ENTPD1: variants seen among roughly 807,000 people sequenced by gnomAD.
ENTPD1 encodes the protein ectonucleoside triphosphate diphosphohydrolase 1.
ENTPD1 carries 33 observed loss-of-function variants against 57.0 expected under a neutral mutation model. The observed-to-expected ratio is 0.58, with a 90% CI of 0.44 to 0.77. The LOEUF is 0.77. Among genes scored for constraint, ENTPD1 ranks in the 30% least tolerant of loss-of-function variants. The probability of loss-of-function intolerance (pLI) is 0.00; values close to 1 mark genes in which losing one functional copy is unlikely to be tolerated. For missense variants in ENTPD1, 501 were observed against 603.4 expected, an observed-to-expected ratio of 0.83 and a Z score of 1.78; for synonymous variants, 202 against 218.8, an observed-to-expected ratio of 0.92 and a Z score of 0.68.
At chr10:95,756,735 A>G (rs2098027127) in intron 1 of ENTPD1, 1 of 157,082 alleles carries the variant, frequency 6.4e-6, no homozygotes, top group African/African-American at 2.4e-5. Context: ...AACAAGACAG[A>G]GAAGTTAATG....
At chr10:95,764,884 G>A (rs559419773) in intron 1 of ENTPD1, among the ~76,000 whole-genome samples, 11 of 151,868 alleles carry the variant, frequency 7.2e-5, no homozygotes, top group African/African-American at 9.7e-5. Flanking sequence ...CACCACACCC[G>A]GCTAATTTTG....
intron 8 of ENTPD1, among the ~76,000 whole-genome samples, chr10:95,861,822 G>A (rs1485130837): frequency 4.0e-5 from 6 of 151,802 alleles, no homozygotes; most frequent in African/African-American, 1.5e-4. Context: ...GTGAAACCCC[G>A]TCTCTACTAA....
chr10:95,733,998 G>T (rs2097991898), intron 1 of ENTPD1, among the ~76,000 whole-genome samples: 1 of 152,142 alleles, frequency 6.6e-6, no homozygotes, highest in African/African-American at 2.4e-5. Flanking sequence ...CCTGTTCTGT[G>T]GTCATGTCCT....
At chr10:95,847,251 TACC>T (rs1173704516) in intron 6 of ENTPD1, 192 bp from the exon 7 acceptor site, 15 of 652,560 alleles carry the variant, frequency 2.3e-5, no homozygotes, top group Non-Finnish European at 3.8e-5. Flanking sequence ...TTATATCTGA[TACC>T]ACTTCTGGTG....
At chr10:95,716,699 C>T (rs1358178196) in intron 1 of ENTPD1, among the ~76,000 whole-genome samples, 2 of 152,194 alleles carry the variant, frequency 1.3e-5, no homozygotes, top group Non-Finnish European at 2.9e-5. Context: ...ACGTGAGGCC[C>T]TTGTCGGATG....
chr10:95,757,389 G>T (rs947471225), intron 1 of ENTPD1, among the ~76,000 whole-genome samples: 1 of 152,108 alleles, frequency 6.6e-6, no homozygotes, highest in African/African-American at 2.4e-5. Context: ...TAAGGGCTGA[G>T]TGTGGATGGA....
the ENTPD1 span, among the ~76,000 whole-genome samples, chr10:95,702,985 C>A: frequency 6.6e-5 from 10 of 152,016 alleles, no homozygotes; most frequent in African/African-American, 2.2e-4. Flanking sequence ...TGGGGTTTCA[C>A]CATCTTGGCC....
intron 1 of ENTPD1, among the ~76,000 whole-genome samples, chr10:95,761,014 T>C (rs1303168652): frequency 6.6e-6 from 1 of 151,890 alleles, no homozygotes; most frequent in Non-Finnish European, 1.5e-5. Flanking sequence ...TAATTTTTAG[T>C]AGAGACGGGG....
intron 2 of ENTPD1, among the ~76,000 whole-genome samples, chr10:95,836,832 G>T (rs2098410902): frequency 6.6e-6 from 1 of 152,192 alleles, no homozygotes; most frequent in Non-Finnish European, 1.5e-5. Context: ...GGCTACCTGG[G>T]CTCTGATGGA....
rs2098482850 is a variant in ENTPD1 at position 95,873,661 on chromosome 10, T to A, written c.*7278T>A. 8.1e-6 allele frequency: 8 copies of A among 985,462 alleles called. No individual in the cohort carries two copies. Among genetic ancestry groups the A allele is most frequent in the Non-Finnish European group, 9.6e-6 (8 of 829,924 alleles). The allele number at this position is 985,462 out of a possible 1,614,324, so 61.0% of individuals were successfully genotyped here. Reference sequence around the variant, plus strand: ...ACTAGGGATGAAACAGCTAATCATGTTCAATAGTTACATTTAGATTGGTTT... The same window carrying A: ...ACTAGGGATGAAACAGCTAATCATGATCAATAGTTACATTTAGATTGGTTT... On this transcript the variant is annotated 3_prime_UTR_variant, in exon 10 of 10. Coordinates refer to ENST00000371205, the MANE Select transcript of ENTPD1 (RefSeq NM_001776.6).
chr10:95,842,601 C>T (rs2098424844), intron 4 of ENTPD1, 107 bp downstream of exon 4: 1 of 1,277,974 alleles, frequency 7.8e-7, no homozygotes, highest in Non-Finnish European at 1.1e-6. Context: ...CCAAGTTCTA[C>T]ACACCCAAGT....
chr10:95,806,857 G>T (rs1213334509), intron 1 of ENTPD1, among the ~76,000 whole-genome samples: 1 of 152,174 alleles, frequency 6.6e-6, no homozygotes, highest in Non-Finnish European at 1.5e-5. Flanking sequence ...AGCAAATATT[G>T]CTGCCTGATC....
intron 1 of ENTPD1, among the ~76,000 whole-genome samples, chr10:95,715,040 A>G (rs1266668757): frequency 1.3e-5 from 2 of 152,214 alleles, no homozygotes; most frequent in East Asian, 1.9e-4. Context: ...ATCTGGAAAC[A>G]TTATAGTTTA....
chr10:95,823,608 T>G (rs2098362149), intron 2 of ENTPD1, among the ~76,000 whole-genome samples: 1 of 152,242 alleles, frequency 6.6e-6, no homozygotes, highest in African/African-American at 2.4e-5. Context: ...GTAAACTCAT[T>G]AAATTGATAC....
At chr10:95,781,467 A>T (rs1394067069) in intron 1 of ENTPD1, among the ~76,000 whole-genome samples, 2 of 152,214 alleles carry the variant, frequency 1.3e-5, no homozygotes, top group Non-Finnish European at 2.9e-5. Context: ...AACACAAAAG[A>T]TAAATGCTTG....
chr10:95,735,052 C>T (rs1406481170), intron 1 of ENTPD1, among the ~76,000 whole-genome samples: 1 of 123,562 alleles, frequency 8.1e-6, no homozygotes, highest in South Asian at 2.5e-4. Flanking sequence ...TTTTTTTAGA[C>T]AGAGTCTTGC....
At position 95,872,901 on chromosome 10, in the gene ENTPD1, C is replaced by T. The variant is rs569269935; in HGVS notation, c.*6518C>T. The T allele has an allele frequency of 2.4e-4, 241 of 985,422 alleles. No homozygotes were observed. The highest frequency in any genetic ancestry group is 1.0e-4 in the Non-Finnish European group (87 of 829,936). The allele number at this position is 985,422 out of a possible 1,614,324, so 61.0% of individuals were successfully genotyped here. ...CACATGGAACTTTTCCTTTTTGGAA[C>T]ATGCCTTTAGTTTCTGTGTAGTTTG... On this transcript the variant is annotated 3_prime_UTR_variant, in exon 10 of 10. Coordinates refer to ENST00000371205, the MANE Select transcript of ENTPD1 (RefSeq NM_001776.6).
At chr10:95,775,843 T>C (rs535245581) in intron 1 of ENTPD1, among the ~76,000 whole-genome samples, 38 of 152,322 alleles carry the variant, frequency 2.5e-4, no homozygotes, top group Non-Finnish European at 1.5e-4. Context: ...TGCATATATA[T>C]TTAGGATAGT....
At position 95,845,613 on chromosome 10, in the gene ENTPD1, C is replaced by G; in HGVS notation, c.813+17C>G. On this transcript the variant is annotated intron_variant, in intron 6 of 9. Transcript: ENST00000371205. ...GACATTCAGGCAAGTATAACTCAAT[C>G]CAGACCTGCCCCCTTCACATCTGCA... The G allele has an allele frequency of 3.7e-6, 6 of 1,614,216 alleles. No homozygotes were observed. Among genetic ancestry groups the G allele is most frequent in the Non-Finnish European group, 4.2e-6 (5 of 1,180,034 alleles).
Sources: gnomAD v4.1 joint callset for allele counts (sites outside exome capture counted in the v4.1 genomes callset) on GRCh38, gnomAD v4.1.1 for gene constraint, MANE v1.5 for transcripts, NCBI Gene and HGNC (gene_info 2026-07-23, HGNC 2026-07-21) for gene names.